Variants in MBOAT2 observed in about 807,000 individuals in gnomAD.
The protein encoded by MBOAT2 is membrane bound glycerophospholipid O-acyltransferase 2.
MBOAT2 carries 28 observed loss-of-function variants against 63.4 expected under a neutral mutation model. The observed-to-expected ratio is 0.44, with a 90% confidence interval of 0.33 to 0.61. MBOAT2 has a LOEUF of 0.61. Ranked by LOEUF, MBOAT2 falls within the 20% of genes least tolerant of loss-of-function variation. The probability of loss-of-function intolerance (pLI) is 0.03; values close to 1 mark genes in which losing one functional copy is unlikely to be tolerated. For synonymous variants in MBOAT2, 211 were observed against 215.6 expected, an observed-to-expected ratio of 0.98 and a Z score of 0.19; for missense variants, 470 against 605.8, an observed-to-expected ratio of 0.78 and a Z score of 2.35.
chr2:8,906,599 C>G (rs1383738512), intron 4 of MBOAT2, among the ~76,000 whole-genome samples: 1 of 152,216 alleles, frequency 6.6e-6, no homozygotes, highest in African/African-American at 2.4e-5. Context: ...AATAATGTTA[C>G]TGTTTTAAAT....
intron 1 of MBOAT2, among the ~76,000 whole-genome samples, chr2:8,993,572 G>C (rs948198522): frequency 2.0e-5 from 3 of 152,136 alleles, no homozygotes; most frequent in African/African-American, 7.2e-5. Context: ...GACAGGAAAA[G>C]TGCACAGTTC....
chr2:8,959,192 G>A (rs1165409778), intron 1 of MBOAT2, among the ~76,000 whole-genome samples: 1 of 152,162 alleles, frequency 6.6e-6, no homozygotes, highest in African/African-American at 2.4e-5. Context: ...CACTGTAGCT[G>A]AGCTCTGAGG....
chr2:8,889,172 C>T (rs1204074161), intron 4 of MBOAT2, among the ~76,000 whole-genome samples: 9 of 152,164 alleles, frequency 5.9e-5, no homozygotes, highest in Admixed American at 4.6e-4. Flanking sequence ...CTTAGACCCC[C>T]GTGGGTCTAG....
chr2:8,952,118 G>A (rs2103260799), intron 2 of MBOAT2, among the ~76,000 whole-genome samples: 1 of 152,240 alleles, frequency 6.6e-6, no homozygotes, highest in Non-Finnish European at 1.5e-5. Flanking sequence ...GGTATATTGT[G>A]TCTCTGTTTT....
chr2:8,949,578 C>T (rs1668668665), intron 2 of MBOAT2, among the ~76,000 whole-genome samples: 1 of 152,062 alleles, frequency 6.6e-6, no homozygotes, highest in Admixed American at 6.5e-5. Flanking sequence ...ATTATACCAG[C>T]ACCATTTATT....
intron 6 of MBOAT2, 77 bp downstream of exon 6, chr2:8,882,434 G>T: frequency 7.1e-7 from 1 of 1,401,328 alleles, no homozygotes; most frequent in Non-Finnish European, 1.0e-6. Context: ...GGACTAGTCA[G>T]CCTCAGCCAC....
chr2:8,925,303 C>G (rs776330047), intron 3 of MBOAT2, among the ~76,000 whole-genome samples: 3 of 152,126 alleles, frequency 2.0e-5, no homozygotes, highest in Non-Finnish European at 2.9e-5. Context: ...CATCATTCTT[C>G]TATTCGACTT....
chr2:8,941,657 A>G (rs1668060658), intron 3 of MBOAT2, among the ~76,000 whole-genome samples: 1 of 151,732 alleles, frequency 6.6e-6, no homozygotes, highest in Non-Finnish European at 1.5e-5. Context: ...CTCAAAGGAA[A>G]AAAAAAAAAA....
chr2:8,935,025 C>T (rs1667564558), intron 3 of MBOAT2, among the ~76,000 whole-genome samples: 2 of 152,190 alleles, frequency 1.3e-5, no homozygotes. Flanking sequence ...GGACAGTCTG[C>T]TCTTCAGGGT....
At chr2:8,988,386 T>C (rs1422722821) in intron 1 of MBOAT2, among the ~76,000 whole-genome samples, 1 of 152,248 alleles carries the variant, frequency 6.6e-6, no homozygotes, top group Non-Finnish European at 1.5e-5. Flanking sequence ...ATAAACACTC[T>C]ACAGTTACCT....
At chr2:8,860,939 T>C (rs772055364) in intron 11 of MBOAT2, 175 bp from the exon 12 acceptor site, 130 of 509,928 alleles carry the variant, frequency 2.5e-4, no homozygotes, top group Non-Finnish European at 7.7e-5. Context: ...AAAAAGCGAA[T>C]ACACATTGTA....
chr2:8,918,290 C>T (rs982068859), intron 3 of MBOAT2, among the ~76,000 whole-genome samples: 2 of 152,168 alleles, frequency 1.3e-5, no homozygotes, highest in African/African-American at 2.4e-5. Flanking sequence ...CCTTCTTATC[C>T]TGGGGTCCCA....
intron 1 of MBOAT2, among the ~76,000 whole-genome samples, chr2:8,994,284 G>A (rs1383249874): frequency 6.6e-6 from 1 of 152,200 alleles, no homozygotes; most frequent in Non-Finnish European, 1.5e-5. Context: ...GTAGAATACA[G>A]TGAAAGCGGG....
Position 8,860,732 on chromosome 2 carries a change from T to A in MBOAT2, c.1218A>T (p.Glu406Asp). The change falls in exon 12 of 13, where the codon GAA becomes GAT. Residue 406 changes from glutamate to aspartate, a missense_variant. Coordinates refer to ENST00000305997, the MANE Select transcript of MBOAT2 (RefSeq NM_138799.4). ...MRNNFRHYFI[E>D]PSQLKLFYDV... ...CATAAAATAATTTCAGTTGGGAAGG[T>A]TCAATGAAATAATGTCTAAAGTTAT... The A allele has an allele frequency of 6.3e-7, 1 of 1,594,144 alleles. No homozygotes were observed. The highest frequency in any genetic ancestry group is 1.1e-5 in the South Asian group (1 of 89,090).
chr2:8,902,712 G>C (rs953175538), intron 4 of MBOAT2, among the ~76,000 whole-genome samples: 3 of 152,308 alleles, frequency 2.0e-5, no homozygotes, highest in Middle Eastern at 3.4e-3. Context: ...GTGGGTTCAT[G>C]GTCTGACTGA....
At chr2:8,968,009 C>T (rs1670125606) in intron 1 of MBOAT2, among the ~76,000 whole-genome samples, 1 of 152,022 alleles carries the variant, frequency 6.6e-6, no homozygotes, top group African/African-American at 2.4e-5. Flanking sequence ...TCTGCATTTC[C>T]AACTGAGCTC....
At chr2:8,939,468 G>T (rs1256200225) in intron 3 of MBOAT2, among the ~76,000 whole-genome samples, 1 of 152,204 alleles carries the variant, frequency 6.6e-6, no homozygotes, top group Non-Finnish European at 1.5e-5. Flanking sequence ...GGGGAAAGAT[G>T]TCTTGTGACA....
chr2:8,877,062 T>C lies in MBOAT2; in HGVS notation c.658A>G (p.Thr220Ala). The C allele has an allele frequency of 6.2e-7, 1 of 1,613,528 alleles. No homozygotes were observed. Among genetic ancestry groups the C allele is most frequent in the Non-Finnish European group, 8.5e-7 (1 of 1,179,814 alleles). ...TQSGENGKEE[T>A]QYERTEPSPN... is the part of the protein sequence containing the mutation. Reference sequence around the variant, plus strand: ...GATGGCTCTGTTCTTTCATACTGTGTCTCTTCTTTTCCATTTTCACCAGAT... The same window carrying C: ...GATGGCTCTGTTCTTTCATACTGTGCCTCTTCTTTTCCATTTTCACCAGAT... The change falls in exon 7 of 13, where the codon ACA becomes GCA. Residue 220 changes from threonine (T) to alanine (A), a missense_variant. Physicochemically the swap from Thr to Ala is moderately conservative, Grantham distance 58. This residue lies in a region of MBOAT2 where 376 missense variants were observed against 503.8 expected (regional missense o/e 0.75). Coordinates refer to ENST00000305997, the MANE Select transcript of MBOAT2 (RefSeq NM_138799.4).
At chr2:8,863,354 G>C (rs1445286739) in intron 10 of MBOAT2, among the ~76,000 whole-genome samples, 1 of 152,166 alleles carries the variant, frequency 6.6e-6, no homozygotes, top group Non-Finnish European at 1.5e-5. Flanking sequence ...ATAAAAAAAG[G>C]CTGCTTATCA....
Sources: allele counts gnomAD v4.1 joint callset (sites outside exome capture counted in the v4.1 genomes callset), GRCh38; gene constraint gnomAD v4.1.1; regional missense constraint gnomAD v4.1.1; transcripts MANE v1.5; gene names NCBI Gene and HGNC (gene_info 2026-07-23, HGNC 2026-07-21).